PROM1: variants seen among roughly 807,000 people sequenced by gnomAD.
PROM1 encodes prominin 1.
A neutral mutation model predicts 116.9 loss-of-function variants in PROM1; 105 were observed. The ratio of observed to expected loss-of-function variants is 0.90; its 90% CI spans 0.77 to 1.06. PROM1 has a LOEUF of 1.06. PROM1 is among the 50% of genes least tolerant of loss of function. The probability of loss-of-function intolerance (pLI) is 0.00; values close to 1 mark genes in which losing one functional copy is unlikely to be tolerated. For synonymous variants in PROM1, 393 were observed against 387.0 expected (o/e 1.02, Z -0.18); for missense variants, 1,122 against 1,045.2 (o/e 1.07, Z -1.01).
intron 26 of PROM1, among the ~76,000 whole-genome samples, chr4:15,979,034 A>G (rs372722694): frequency 3.2e-5 from 3 of 92,790 alleles, no homozygotes; most frequent in East Asian, 3.5e-4. Flanking sequence ...AAGGAAGGAA[A>G]GAAAGAAGGA....
intron 11 of PROM1, among the ~76,000 whole-genome samples, chr4:16,011,118 G>A (rs1399993374): frequency 1.3e-5 from 2 of 152,070 alleles, no homozygotes; most frequent in Non-Finnish European, 2.9e-5. Flanking sequence ...GCACGACATG[G>A]CTCCGTGACT....
At chr4:15,970,560 A>G (rs183566475) in intron 27 of PROM1, among the ~76,000 whole-genome samples, 29 of 151,076 alleles carry the variant, frequency 1.9e-4, no homozygotes, top group East Asian at 1.2e-3. Flanking sequence ...GTGTGTGTGT[A>G]TATATATATA....
At chr4:16,063,496 C>T (rs1170817846) in intron 2 of PROM1, among the ~76,000 whole-genome samples, 3 of 151,934 alleles carry the variant, frequency 2.0e-5, no homozygotes, top group Non-Finnish European at 2.9e-5. Flanking sequence ...CTCGGGAGGC[C>T]GAAGCAGGAG....
At chr4:16,016,051 T>C (rs2149290375) in intron 10 of PROM1, 115 bp downstream of exon 10, 2 of 935,962 alleles carry the variant, frequency 2.1e-6, no homozygotes, top group East Asian at 2.7e-5. Context: ...TCACCCTTCT[T>C]GGCAACCTTT....
At position 15,986,021 on chromosome 4, in the gene PROM1, A is replaced by G. The variant is rs772658903; in HGVS notation, c.2147T>C (p.Ile716Thr). ...CTGAGCAAAATCCAGAGAAGCTAGA[A>G]TCCTAGTTACTCTCTCCTGAAAGAC... ...GNGLLERVTRILASLDFAQNF... is the reference protein window; with the variant it reads ...GNGLLERVTRTLASLDFAQNF... Residue 716 changes from isoleucine (I) to threonine (T), a missense_variant, in exon 21 of 28, where the codon ATT becomes ACT. Physicochemically the swap from Ile to Thr is moderately conservative, Grantham distance 89. Transcript: ENST00000447510. The G allele has an allele frequency of 1.3e-6, 2 of 1,576,100 alleles. No individual in the cohort carries two copies. The highest frequency in any genetic ancestry group is 2.3e-5 in the South Asian group (2 of 86,690).
chr4:16,041,785 A>ATAT (rs1735342437), intron 2 of PROM1, among the ~76,000 whole-genome samples: 21 of 37,610 alleles, frequency 5.6e-4, no homozygotes, highest in Non-Finnish European at 1.2e-3. Context: ...TAAATAAATA[A>ATAT]ATATATATAT....
In PROM1 at chr4:15,992,480, T is replaced by A. The variant is rs1721314676; in HGVS notation, c.1768-89A>T. On this transcript the variant is annotated intron_variant, in intron 16 of 27. Coordinates refer to ENST00000447510, the MANE Select transcript of PROM1 (RefSeq NM_006017.3). ...TTAAAAGAGCAATAAAAGCTGGATG[T>A]GGTGGCTCATGCCTGCAATCCTAGC... is the stretch of plus-strand genomic sequence containing the variant. 6 of 1,391,996 alleles carry A rather than the reference T, an allele frequency of 4.3e-6. No homozygotes were observed. The Admixed American group carries it at 1.3e-4, about 30-fold the overall frequency. 86.2% of individuals were successfully genotyped at this position (1,391,996 alleles called of 1,614,324 possible).
rs1468615991 is a variant in PROM1, at chr4:15,984,340, C to A, written c.2296G>T (p.Ala766Ser). The A allele has an allele frequency of 6.3e-7, 1 of 1,594,440 alleles. No homozygotes were observed. Among genetic ancestry groups the A allele is most frequent in the Non-Finnish European group, 8.6e-7 (1 of 1,169,380 alleles). Residue 766 changes from alanine to serine, a missense_variant, in exon 23 of 28, where the codon GCA becomes TCA. Physicochemically the swap from Ala to Ser is moderately conservative, Grantham distance 99. Transcript: ENST00000447510. ...GCGGTGGCCACAGGTTTGCACGATG[C>A]CACTTTCTCACTGATCTAGGGGGGT... ...WIEFSISEKV[A>S]SCKPVATALD... is the part of the protein sequence containing the mutation.
At chr4:15,997,895 G>A (rs1032509745) in intron 15 of PROM1, among the ~76,000 whole-genome samples, 8 of 152,126 alleles carry the variant, frequency 5.3e-5, no homozygotes, top group Admixed American at 1.3e-4. Context: ...CATGACCCCC[G>A]TGGAACAGAG....
intron 8 of PROM1, among the ~76,000 whole-genome samples, chr4:16,022,317 G>C (rs367820488): frequency 3.2e-4 from 49 of 152,320 alleles, no homozygotes; most frequent in Middle Eastern, 3.4e-3. Flanking sequence ...GATGTCTAGA[G>C]AAATCTAAGC....
intron 2 of PROM1, among the ~76,000 whole-genome samples, chr4:16,044,909 G>T (rs1736165382): frequency 6.6e-6 from 1 of 152,106 alleles, no homozygotes; most frequent in African/African-American, 2.4e-5. Context: ...TCAAAAAGTG[G>T]TAAGTCTCTG....
At chr4:16,018,282 A>T in intron 9 of PROM1, 41 bp downstream of exon 9, 1 of 1,592,158 alleles carries the variant, frequency 6.3e-7, no homozygotes, top group Non-Finnish European at 8.6e-7. Flanking sequence ...GGCAATCCCC[A>T]GCATGCAGCC....
At chr4:16,018,253 C>G in intron 9 of PROM1, 70 bp downstream of exon 9, 2 of 1,483,848 alleles carry the variant, frequency 1.3e-6, no homozygotes, top group South Asian at 2.4e-5. Flanking sequence ...GGATAGGTCA[C>G]CCACGCTTAG....
intron 26 of PROM1, among the ~76,000 whole-genome samples, chr4:15,976,999 C>T (rs1295159792): frequency 1.3e-5 from 2 of 152,178 alleles, no homozygotes; most frequent in Non-Finnish European, 2.9e-5. Flanking sequence ...AATGATTAGC[C>T]CAGTGTGGGC....
intron 23 of PROM1, among the ~76,000 whole-genome samples, chr4:15,981,365 T>A (rs1003876482): frequency 6.6e-5 from 10 of 151,094 alleles, no homozygotes; most frequent in Non-Finnish European, 1.5e-4. Flanking sequence ...GGTTAGGAGG[T>A]CGAGACCATT....
At chr4:16,025,035 G>A (rs529765135) in intron 6 of PROM1, among the ~76,000 whole-genome samples, 157 bp downstream of exon 6, 1 of 152,164 alleles carries the variant, frequency 6.6e-6, no homozygotes, top group East Asian at 1.9e-4. Context: ...TCACTTTCCA[G>A]GGCTTTATTT....
intron 2 of PROM1, among the ~76,000 whole-genome samples, chr4:16,056,981 AG>A (rs1453017835): frequency 6.6e-6 from 1 of 152,252 alleles, no homozygotes; most frequent in African/African-American, 2.4e-5. Context: ...ATTAGTCTTC[AG>A]GAAGACTGGC....
rs373623517 is a variant in PROM1 at position 16,008,946 on chromosome 4, C to T, written c.1301+3G>A. On this transcript the variant is annotated splice_donor_region_variant and intron_variant, in intron 12 of 27. Coordinates refer to ENST00000447510, the MANE Select transcript of PROM1 (RefSeq NM_006017.3). ...AGTTCACCAGCTCCAAGGAGACACT[C>T]ACCAGTATGAATCATACTCTTCCAA... 1.5e-4 allele frequency: 234 copies of T among 1,578,128 alleles called. No homozygotes were observed. Among genetic ancestry groups the T allele is most frequent in the Non-Finnish European group, 2.0e-4 (225 of 1,150,060 alleles).
At chr4:15,989,594 G>T in intron 19 of PROM1, 138 bp downstream of exon 19, 1 of 741,898 alleles carries the variant, frequency 1.3e-6, no homozygotes, top group Admixed American at 2.0e-5. Context: ...CTAAAGGCCA[G>T]CTCAACTTCT....
Sources: gnomAD v4.1 joint callset for allele counts (sites outside exome capture counted in the v4.1 genomes callset) on GRCh38, gnomAD v4.1.1 for gene constraint, MANE v1.5 for transcripts, NCBI Gene and HGNC (gene_info 2026-07-23, HGNC 2026-07-21) for gene names.